The following RARB variants were observed in gnomAD, a reference collection of about 807,000 sequenced individuals.
The protein encoded by RARB is retinoic acid receptor beta.
RARB carries 17 observed loss-of-function variants against 51.9 expected under a neutral mutation model. The observed-to-expected ratio is 0.33, with a 90% confidence interval of 0.22 to 0.49. RARB has a LOEUF of 0.49. Among genes scored for constraint, RARB ranks in the 20% least tolerant of loss-of-function variants. RARB has a pLI of 0.99. For synonymous variants in RARB, 215 were observed against 195.4 expected (o/e 1.10, Z -0.84); for missense variants, 369 against 550.8 (o/e 0.67, Z 3.30).
At chr3:25,402,391 T>C (rs185885961) in intron 5 of RARB, among the ~76,000 whole-genome samples, 6 of 152,308 alleles carry the variant, frequency 3.9e-5, no homozygotes, top group African/African-American at 1.4e-4. Context: ...GAGAACAGTT[T>C]GGAGGTTCCT....
intron 5 of RARB, among the ~76,000 whole-genome samples, chr3:25,214,921 G>C (rs568761156): frequency 2.0e-5 from 3 of 152,270 alleles, no homozygotes; most frequent in African/African-American, 7.2e-5. Flanking sequence ...AGTCACAGAA[G>C]CTATTTTTGA....
intron 5 of RARB, among the ~76,000 whole-genome samples, chr3:25,223,307 T>C (rs1701986597): frequency 6.6e-6 from 1 of 152,250 alleles, no homozygotes; most frequent in South Asian, 2.1e-4. Flanking sequence ...TATGTATTCA[T>C]ATTATGTTCG....
At chr3:25,469,845 AG>A (rs1296006963) in intron 2 of RARB, among the ~76,000 whole-genome samples, 1 of 152,188 alleles carries the variant, frequency 6.6e-6, no homozygotes, top group African/African-American at 2.4e-5. Flanking sequence ...ATGAGAAGCT[AG>A]GTGTGGTAAA....
chr3:25,382,716 G>C (rs556414862), intron 5 of RARB, among the ~76,000 whole-genome samples: 1 of 152,174 alleles, frequency 6.6e-6, no homozygotes, highest in South Asian at 2.1e-4. Context: ...GAATTAGCCG[G>C]GTGTGGCGGT....
At chr3:25,460,726 G>A (rs1443691861) in intron 1 of RARB, among the ~76,000 whole-genome samples, 2 of 152,172 alleles carry the variant, frequency 1.3e-5, no homozygotes, top group Non-Finnish European at 2.9e-5. Context: ...AGGATTACAG[G>A]TGTGAGCTAC....
intron 2 of RARB, among the ~76,000 whole-genome samples, chr3:24,969,724 C>T (rs904586088): frequency 3.9e-5 from 6 of 152,034 alleles, no homozygotes; most frequent in Non-Finnish European, 8.8e-5. Flanking sequence ...TGTGTAATTC[C>T]CAATGACTGC....
At chr3:24,861,694 T>G (rs1459245810) in intron 2 of RARB, among the ~76,000 whole-genome samples, 1 of 152,046 alleles carries the variant, frequency 6.6e-6, no homozygotes, top group Non-Finnish European at 1.5e-5. Context: ...AGTGTCTGGC[T>G]TAATAGGTAG....
chr3:25,415,252 A>C (rs9855218), intron 5 of RARB, among the ~76,000 whole-genome samples: 10,755 of 152,200 alleles, frequency 0.071, 1,002 homozygotes, highest in African/African-American at 0.21. Context: ...CTTTGGTGCC[A>C]TATCTAAAAA....
At chr3:24,998,067 T>C (rs1294936379) in intron 2 of RARB, among the ~76,000 whole-genome samples, 2 of 152,174 alleles carry the variant, frequency 1.3e-5, no homozygotes, top group African/African-American at 2.4e-5. Flanking sequence ...TTATAGACTG[T>C]TTACTGCTAG....
At chr3:24,879,841 C>G (rs1380366860) in intron 2 of RARB, among the ~76,000 whole-genome samples, 1 of 152,014 alleles carries the variant, frequency 6.6e-6, no homozygotes, top group Non-Finnish European at 1.5e-5. Context: ...TCTTGCAGAT[C>G]TCAGATGGGT....
At chr3:25,190,571 CATTT>C (rs1472252649) in intron 5 of RARB, among the ~76,000 whole-genome samples, 2 of 152,016 alleles carry the variant, frequency 1.3e-5, no homozygotes, top group Non-Finnish European at 2.9e-5. Context: ...CTAAAAAATG[CATTT>C]ATTTAACAGG....
At chr3:25,568,206 G>T (rs990027229) in intron 3 of RARB, among the ~76,000 whole-genome samples, 4 of 152,244 alleles carry the variant, frequency 2.6e-5, no homozygotes, top group Middle Eastern at 3.4e-3. Flanking sequence ...TGTCTAGAAG[G>T]GTGTTCTCTT....
At chr3:25,009,456 G>A (rs1474269347) in intron 2 of RARB, among the ~76,000 whole-genome samples, 1 of 152,036 alleles carries the variant, frequency 6.6e-6, no homozygotes, top group Non-Finnish European at 1.5e-5. Context: ...AGTAAAATGG[G>A]TAATTGTGAT....
At chr3:25,040,996 C>T (rs755251301) in intron 2 of RARB, among the ~76,000 whole-genome samples, 6 of 152,140 alleles carry the variant, frequency 3.9e-5, no homozygotes, top group African/African-American at 9.7e-5. Flanking sequence ...CGGAAATCCA[C>T]CACAGTCTCT....
chr3:25,465,450 A>G (rs1359587710), intron 2 of RARB, among the ~76,000 whole-genome samples: 2 of 152,192 alleles, frequency 1.3e-5, no homozygotes, highest in South Asian at 2.1e-4. Flanking sequence ...AGAGCCTGGT[A>G]TATCTTCAAG....
At chr3:25,074,653 A>T (rs1331636193) in intron 3 of RARB, among the ~76,000 whole-genome samples, 1 of 152,072 alleles carries the variant, frequency 6.6e-6, no homozygotes, top group Non-Finnish European at 1.5e-5. Context: ...TTAGTTGATT[A>T]ATTTCTTGAA....
At chr3:25,331,653 A>G (rs919517619) in intron 5 of RARB, among the ~76,000 whole-genome samples, 9 of 152,224 alleles carry the variant, frequency 5.9e-5, no homozygotes, top group African/African-American at 2.2e-4. Context: ...AAGCTAGCAG[A>G]AGGTAAGAAA....
At chr3:25,522,490 T>C (rs143984758) in intron 3 of RARB, among the ~76,000 whole-genome samples, 201 of 152,296 alleles carry the variant, frequency 1.3e-3, no homozygotes, top group African/African-American at 4.4e-3. Flanking sequence ...GGTTTCTTTA[T>C]TATCCCCTGA....
intron 3 of RARB, among the ~76,000 whole-genome samples, chr3:25,524,264 T>C (rs1175193917): frequency 6.6e-6 from 1 of 152,162 alleles, no homozygotes; most frequent in Non-Finnish European, 1.5e-5. Flanking sequence ...AACCAAATAA[T>C]AATGACCTAC....
Sources: gnomAD v4.1 joint callset for allele counts (sites outside exome capture counted in the v4.1 genomes callset) on GRCh38, gnomAD v4.1.1 for gene constraint, MANE v1.5 for transcripts, NCBI Gene and HGNC (gene_info 2026-07-23, HGNC 2026-07-21) for gene names.